The following MTMR2 variants were observed in gnomAD, a reference collection of about 807,000 sequenced individuals.
MTMR2 encodes the protein myotubularin related protein 2.
In MTMR2, 55 loss-of-function variants were observed where a neutral mutation model predicts 86.9. The observed-to-expected ratio is 0.63, with a 90% CI of 0.51 to 0.79. The LOEUF is 0.79. Among genes scored for constraint, MTMR2 ranks in the 30% least tolerant of loss-of-function variants. The pLI, the probability that MTMR2 is intolerant of heterozygous loss-of-function variation, is 0.00. For missense variants in MTMR2, 659 were observed against 772.3 expected, an observed-to-expected ratio of 0.85 and a Z score of 1.74; for synonymous variants, 241 against 266.8, an observed-to-expected ratio of 0.90 and a Z score of 0.94.
intron 1 of MTMR2, among the ~76,000 whole-genome samples, chr11:95,900,405 T>C (rs774528382): frequency 2.0e-5 from 3 of 152,136 alleles, no homozygotes; most frequent in Non-Finnish European, 4.4e-5. Flanking sequence ...TACCTAATAC[T>C]ACAGAGCAGT....
intron 2 of MTMR2, among the ~76,000 whole-genome samples, chr11:95,886,738 T>A (rs1865525015): frequency 6.6e-6 from 1 of 152,164 alleles, no homozygotes; most frequent in Non-Finnish European, 1.5e-5. Flanking sequence ...AATGATACTT[T>A]TAACTAAATA....
chr11:95,880,685 G>A (rs1367009617), intron 2 of MTMR2, among the ~76,000 whole-genome samples: 1 of 151,892 alleles, frequency 6.6e-6, no homozygotes, highest in Non-Finnish European at 1.5e-5. Context: ...TGATTATAGT[G>A]AGGTTTAACA....
intron 2 of MTMR2, among the ~76,000 whole-genome samples, chr11:95,886,267 C>G (rs977218192): frequency 1.3e-5 from 2 of 152,036 alleles, no homozygotes; most frequent in African/African-American, 2.4e-5. Context: ...ATGGGTGGAA[C>G]TGGATGTAAA....
intron 2 of MTMR2, among the ~76,000 whole-genome samples, chr11:95,866,989 G>A (rs950573162): frequency 6.6e-6 from 1 of 151,932 alleles, no homozygotes; most frequent in African/African-American, 2.4e-5. Context: ...TTATATCAGT[G>A]TTAACACATA....
At chr11:95,838,048 G>T in intron 13 of MTMR2, 46 bp downstream of exon 13, 1 of 1,181,260 alleles carries the variant, frequency 8.5e-7, no homozygotes, top group Non-Finnish European at 1.3e-6. Context: ...TTAGGGAAAA[G>T]TATACAGTAG....
At chr11:95,898,036 A>T (rs868116016) in intron 1 of MTMR2, among the ~76,000 whole-genome samples, 2 of 152,114 alleles carry the variant, frequency 1.3e-5, no homozygotes, top group Middle Eastern at 3.2e-3. Flanking sequence ...TGGTACTTGC[A>T]TTTCTGACAG....
At chr11:95,917,828 G>A (rs1225049238) in intron 1 of MTMR2, among the ~76,000 whole-genome samples, 1 of 152,154 alleles carries the variant, frequency 6.6e-6, no homozygotes, top group Non-Finnish European at 1.5e-5. Context: ...TGTCAGGGGT[G>A]GCAGAAGCAG....
At chr11:95,836,391 G>T (rs1461315796) in intron 13 of MTMR2, 67 bp from the exon 14 acceptor site, 7 of 1,430,150 alleles carry the variant, frequency 4.9e-6, no homozygotes, top group Non-Finnish European at 3.9e-6. Flanking sequence ...GATGAAATTT[G>T]TGAAGAAGTA....
chr11:95,923,030 A>T (rs1039040931), intron 1 of MTMR2, among the ~76,000 whole-genome samples: 4 of 152,312 alleles, frequency 2.6e-5, no homozygotes, highest in East Asian at 1.9e-4. Context: ...ATTATTTTTT[A>T]AAAAATTTTT....
In MTMR2 at chr11:95,841,859, G is replaced by C. The variant is rs113173012; in HGVS notation, c.1387-150C>G. ...ACCTGTAATCCCAACACTTTGGGAG[G>C]CTGTGGTGGAAGGATCACTTGGAGC... On this transcript the variant is annotated intron_variant, in intron 11 of 14. Transcript: ENST00000346299. The C allele has an allele frequency of 0.033, 23,010 of 692,450 alleles. 707 individuals are homozygous for C. Among genetic ancestry groups the C allele is most frequent in the South Asian group, 0.093 (5,966 of 64,488 alleles). The allele number at this position is 692,450 out of a possible 1,614,324, so 42.9% of individuals were successfully genotyped here. A position where few individuals can be genotyped will look rare whatever the true frequency, so the allele number is the denominator to read the frequency against.
intron 1 of MTMR2, among the ~76,000 whole-genome samples, chr11:95,919,963 A>C (rs963392561): frequency 1.3e-5 from 2 of 152,182 alleles, no homozygotes; most frequent in South Asian, 4.2e-4. Flanking sequence ...AACCAGACTA[A>C]GATGGCAGAT....
intron 1 of MTMR2, among the ~76,000 whole-genome samples, chr11:95,895,973 G>C (rs1235684239): frequency 6.6e-6 from 1 of 151,982 alleles, no homozygotes; most frequent in Non-Finnish European, 1.5e-5. Flanking sequence ...TCAAGATAAA[G>C]ATCAATACCT....
intron 1 of MTMR2, among the ~76,000 whole-genome samples, chr11:95,898,992 C>T (rs530914): frequency 0.6 from 91,036 of 151,984 alleles, 29,283 homozygotes; most frequent in African/African-American, 0.85. Flanking sequence ...CCTGAAAAGG[C>T]AGGTTTGGAT....
At chr11:95,836,909 A>G (rs570107687) in intron 13 of MTMR2, among the ~76,000 whole-genome samples, 87 of 152,140 alleles carry the variant, frequency 5.7e-4, no homozygotes, top group African/African-American at 2.0e-3. Flanking sequence ...ATGTTCTGAA[A>G]TGAAAATGTG....
At chr11:95,836,463 C>CT (rs1863291677) in intron 13 of MTMR2, 139 bp from the exon 14 acceptor site, 1 of 765,866 alleles carries the variant, frequency 1.3e-6, no homozygotes, top group Non-Finnish European at 2.2e-6. Context: ...GATAAACCAA[C>CT]TTATATTAAG....
intron 12 of MTMR2, 84 bp from the exon 13 acceptor site, chr11:95,838,291 A>G: frequency 2.6e-6 from 2 of 779,192 alleles, no homozygotes; most frequent in Non-Finnish European, 4.6e-6. Context: ...CTTTTGAGGT[A>G]GTATTTAAAA....
chr11:95,859,491 C>A (rs1864327905), intron 5 of MTMR2, among the ~76,000 whole-genome samples: 1 of 152,142 alleles, frequency 6.6e-6, no homozygotes, highest in African/African-American at 2.4e-5. Context: ...AAGAGGGACA[C>A]TTGAGGTGTT....
intron 7 of MTMR2, among the ~76,000 whole-genome samples, chr11:95,856,523 GAC>G (rs1467043482): frequency 6.7e-6 from 1 of 149,154 alleles, no homozygotes; most frequent in African/African-American, 2.5e-5. Flanking sequence ...TTGACTCAGA[GAC>G]AGTTTCTCAT....
intron 2 of MTMR2, among the ~76,000 whole-genome samples, chr11:95,878,104 T>G (rs1387565951): frequency 6.6e-6 from 1 of 150,754 alleles, no homozygotes; most frequent in African/African-American, 2.4e-5. Flanking sequence ...GGAATATCAT[T>G]CAGTAATAAA....
Sources: gnomAD v4.1 joint callset for allele counts (sites outside exome capture counted in the v4.1 genomes callset) on GRCh38, gnomAD v4.1.1 for gene constraint, MANE v1.5 for transcripts, NCBI Gene and HGNC (gene_info 2026-07-23, HGNC 2026-07-21) for gene names.